Variants in DNAAF4 observed in about 807,000 individuals in gnomAD.
DNAAF4 encodes the protein dynein axonemal assembly factor 4, also known as dynein assembly factor 4, axonemal.
In DNAAF4, 43 loss-of-function variants were observed where a neutral mutation model predicts 51.8. The observed-to-expected ratio is 0.83, with a 90% confidence interval of 0.65 to 1.07. The LOEUF is 1.07. Ranked by LOEUF, DNAAF4 falls within the 50% of genes least tolerant of loss-of-function variation. The probability of loss-of-function intolerance (pLI) is 0.00; values close to 1 mark genes in which losing one functional copy is unlikely to be tolerated. For missense variants in DNAAF4, 581 were observed against 493.0 expected, an observed-to-expected ratio of 1.18 and a Z score of -1.69; for synonymous variants, 194 against 165.6, an observed-to-expected ratio of 1.17 and a Z score of -1.32.
At chr15:55,443,247 A>G (rs932222306) in intron 6 of DNAAF4, 1 of 1,605,222 alleles carries the variant, frequency 6.2e-7, no homozygotes, top group Non-Finnish European at 8.5e-7. Flanking sequence ...CCTCAGAAGA[A>G]AATGACCTCA....
chr15:55,491,757 A>G (rs1161616687), intron 3 of DNAAF4, among the ~76,000 whole-genome samples: 2 of 142,110 alleles, frequency 1.4e-5, no homozygotes, highest in Non-Finnish European at 3.0e-5. Flanking sequence ...ATATTATAAT[A>G]GTATATAATA....
At chr15:55,455,107 T>C (rs911092474) in intron 5 of DNAAF4, among the ~76,000 whole-genome samples, 1 of 147,110 alleles carries the variant, frequency 6.8e-6, no homozygotes, top group Admixed American at 6.9e-5. Flanking sequence ...ATAACTATTA[T>C]AGAAACTGAA....
At chr15:55,421,653 G>A (rs1241679320) in intron 7 of DNAAF4, among the ~76,000 whole-genome samples, 2 of 152,146 alleles carry the variant, frequency 1.3e-5, no homozygotes, top group African/African-American at 4.8e-5. Context: ...TCGGGAGGCT[G>A]AGGCAGGCAG....
chr15:55,507,127 A>G (rs2058731304), intron 1 of DNAAF4, among the ~76,000 whole-genome samples: 1 of 152,192 alleles, frequency 6.6e-6, no homozygotes, highest in South Asian at 2.1e-4. Flanking sequence ...CTGGGATTAC[A>G]GGCATGAGCT....
At chr15:55,453,970 A>G (rs986712054) in intron 5 of DNAAF4, among the ~76,000 whole-genome samples, 1 of 152,150 alleles carries the variant, frequency 6.6e-6, no homozygotes, top group South Asian at 2.1e-4. Context: ...AGATCTGAGG[A>G]TATTATACAG....
intron 1 of DNAAF4, among the ~76,000 whole-genome samples, chr15:55,503,005 C>G (rs759811791): frequency 1.3e-5 from 2 of 151,720 alleles, no homozygotes; most frequent in Non-Finnish European, 1.5e-5. Flanking sequence ...TTGAAAAGAT[C>G]AACAAAATTG....
intron 6 of DNAAF4, among the ~76,000 whole-genome samples, chr15:55,448,632 G>A (rs2057880357): frequency 6.6e-6 from 1 of 151,608 alleles, no homozygotes; most frequent in Admixed American, 6.6e-5. Context: ...CACTTTGGGA[G>A]GCCGAGGTGG....
chr15:55,440,784 C>T (rs549214736), intron 6 of DNAAF4, among the ~76,000 whole-genome samples: 105 of 151,968 alleles, frequency 6.9e-4, no homozygotes, highest in Admixed American at 1.6e-3. Flanking sequence ...TGGGTTCAAG[C>T]GATTCTTCTG....
chr15:55,431,506 GCT>G (rs933451003), intron 9 of DNAAF4, among the ~76,000 whole-genome samples: 2 of 131,976 alleles, frequency 1.5e-5, no homozygotes, highest in Non-Finnish European at 3.2e-5. Flanking sequence ...ACAGAGTCTT[GCT>G]CTGTCACCCA....
chr15:55,435,956 T>C (rs894607359), intron 7 of DNAAF4, among the ~76,000 whole-genome samples: 3 of 152,080 alleles, frequency 2.0e-5, no homozygotes, highest in African/African-American at 7.2e-5. Flanking sequence ...GCCTGGCTAA[T>C]TTTGTATTTT....
chr15:55,429,631 C>CA (rs1218330016), downstream of DNAAF4, among the ~76,000 whole-genome samples: 1 of 151,652 alleles, frequency 6.6e-6, no homozygotes, highest in African/African-American at 2.4e-5. Flanking sequence ...TCCTGGCTAA[C>CA]ATGGTGAAAC....
intron 4 of DNAAF4, among the ~76,000 whole-genome samples, chr15:55,477,309 A>G (rs2058348826): frequency 6.6e-6 from 1 of 152,178 alleles, no homozygotes; most frequent in African/African-American, 2.4e-5. Flanking sequence ...TAGAAAATAA[A>G]CTTTTTAAAA....
At chr15:55,422,145 G>A (rs550346158) in intron 7 of DNAAF4, among the ~76,000 whole-genome samples, 1 of 152,020 alleles carries the variant, frequency 6.6e-6, no homozygotes, top group Non-Finnish European at 1.5e-5. Context: ...ATGGCTAGAT[G>A]TATAGAACAT....
At chr15:55,439,211 C>T (rs2057667322) in intron 7 of DNAAF4, among the ~76,000 whole-genome samples, 1 of 152,178 alleles carries the variant, frequency 6.6e-6, no homozygotes, top group Non-Finnish European at 1.5e-5. Context: ...GGGGATCCTC[C>T]CGCCGCAGCC....
rs556903928 is a variant in DNAAF4, at chr15:55,442,546, G to A, written c.784-2965C>T. 6.9e-5 allele frequency: 61 copies of A among 884,900 alleles called. No homozygotes were observed. The South Asian group carries it at 7.9e-4, about 11-fold the overall frequency. 54.8% of individuals were successfully genotyped at this position (884,900 alleles called of 1,614,324 possible). Reference sequence around the variant, plus strand: ...CTCTTGGCAGGCTTCTCCCTACAGGGATTCAGCAGTGAGGGAGCAGAGTAT... The same window carrying A: ...CTCTTGGCAGGCTTCTCCCTACAGGAATTCAGCAGTGAGGGAGCAGAGTAT... On this transcript the variant is annotated intron_variant, in intron 6 of 9. Coordinates refer to ENST00000321149, the MANE Select transcript of DNAAF4 (RefSeq NM_130810.4).
intron 7 of DNAAF4, 142 bp from the exon 8 acceptor site, chr15:55,435,200 A>G (rs570825564): frequency 1.2e-6 from 1 of 805,684 alleles, no homozygotes; most frequent in Non-Finnish European, 1.9e-6. Context: ...CACTGAATCC[A>G]TCTCTTTTCA....
intron 5 of DNAAF4, 98 bp downstream of exon 5, chr15:55,466,832 A>C: frequency 6.9e-7 from 1 of 1,445,932 alleles, no homozygotes; most frequent in Non-Finnish European, 9.3e-7. Context: ...GTGCCAAAAC[A>C]GTAACCTAAT....
intron 8 of DNAAF4, among the ~76,000 whole-genome samples, chr15:55,433,021 T>C (rs994802034): frequency 2.0e-5 from 3 of 151,890 alleles, no homozygotes; most frequent in African/African-American, 4.8e-5. Context: ...AAGCCTCGGG[T>C]GGGCCTGGTG....
intron 4 of DNAAF4, among the ~76,000 whole-genome samples, chr15:55,489,187 T>C (rs1216836179): frequency 6.6e-6 from 1 of 152,208 alleles, no homozygotes; most frequent in East Asian, 1.9e-4. Context: ...GCAGTAAGTG[T>C]GCCATTATTT....
Sources: allele counts gnomAD v4.1 joint callset (sites outside exome capture counted in the v4.1 genomes callset), GRCh38; gene constraint gnomAD v4.1.1; transcripts MANE v1.5; gene names NCBI Gene and HGNC (gene_info 2026-07-23, HGNC 2026-07-21).